RAB6A: variants seen among roughly 807,000 people sequenced by gnomAD.
The protein encoded by RAB6A is RAB6A, member RAS oncogene family.
RAB6A carries 8 observed loss-of-function variants against 32.3 expected under a neutral mutation model. The observed-to-expected ratio is 0.25, with a 90% CI of 0.15 to 0.45. The LOEUF is 0.45. Among genes scored for constraint, RAB6A ranks in the 20% least tolerant of loss-of-function variants. RAB6A has a pLI of 1.00. For missense variants in RAB6A, 104 were observed against 249.4 expected (o/e 0.42, Z 3.93); for synonymous variants, 73 against 82.1 (o/e 0.89, Z 0.60).
chr11:73,687,114 C>T (rs1007526456), intron 6 of RAB6A, among the ~76,000 whole-genome samples: 2 of 152,026 alleles, frequency 1.3e-5, no homozygotes, highest in African/African-American at 4.8e-5. Flanking sequence ...GCAAGTGAAA[C>T]AAGTCACACA....
At chr11:73,737,490 CATCATCATTTGAGCTAAATG>C (rs1356031322) in intron 1 of RAB6A, among the ~76,000 whole-genome samples, 1 of 144,782 alleles carries the variant, frequency 6.9e-6, no homozygotes, top group Non-Finnish European at 1.5e-5. Context: ...TTCTAAAACT[CATCATCATTTGAGCTAAATG>C]ATAATGAAAT....
intron 5 of RAB6A, among the ~76,000 whole-genome samples, chr11:73,715,586 T>A (rs1233784223): frequency 3.3e-5 from 5 of 152,196 alleles, no homozygotes; most frequent in Non-Finnish European, 7.3e-5. Context: ...TAGTAAAAGC[T>A]CTTACTATTA....
At chr11:73,745,179 G>A (rs115323574) in intron 1 of RAB6A, among the ~76,000 whole-genome samples, 3,631 of 152,160 alleles carry the variant, frequency 0.024, 150 homozygotes, top group African/African-American at 0.083. Context: ...TCTTGTTAAT[G>A]CATTTATTTA....
intron 6 of RAB6A, among the ~76,000 whole-genome samples, chr11:73,687,157 A>G (rs1945471739): frequency 6.6e-6 from 1 of 152,194 alleles, no homozygotes; most frequent in Non-Finnish European, 1.5e-5. Context: ...GTTCACTTAT[A>G]TGAGATACCT....
chr11:73,689,968 A>C (rs540368868), intron 6 of RAB6A, among the ~76,000 whole-genome samples: 54 of 152,112 alleles, frequency 3.6e-4, no homozygotes, highest in African/African-American at 1.3e-3. Flanking sequence ...GACCTCTTTA[A>C]ATATTTTACA....
intron 7 of RAB6A, among the ~76,000 whole-genome samples, chr11:73,678,631 G>A (rs1945303625): frequency 6.6e-6 from 1 of 151,876 alleles, no homozygotes; most frequent in Non-Finnish European, 1.5e-5. Flanking sequence ...AAAAACGGCG[G>A]TGGGCGCGGG....
At chr11:73,686,877 A>G (rs917913529) in intron 6 of RAB6A, among the ~76,000 whole-genome samples, 17 of 152,032 alleles carry the variant, frequency 1.1e-4, no homozygotes, top group African/African-American at 3.9e-4. Flanking sequence ...TCTACTTGGG[A>G]GTATATATTC....
intron 1 of RAB6A, 82 bp from the exon 2 acceptor site, chr11:73,730,905 T>C: frequency 1.1e-6 from 1 of 941,040 alleles, no homozygotes. Context: ...AGAACTGCAA[T>C]TAAAGTCAAT....
chr11:73,718,780 C>T, intron 3 of RAB6A, 62 bp from the exon 4 acceptor site: 1 of 1,614,054 alleles, frequency 6.2e-7, no homozygotes, highest in Non-Finnish European at 8.5e-7. Flanking sequence ...TTGCAATATA[C>T]CTACTTGTGA....
intron 1 of RAB6A, among the ~76,000 whole-genome samples, chr11:73,736,824 A>AAAAAAAAAAAAAAAAAAAC (rs1555066487): frequency 6.9e-6 from 1 of 144,598 alleles, no homozygotes. Flanking sequence ...AAAAAAAAAA[A>AAAAAAAAAAAAAAAAAAAC]AACAATTAGC....
chr11:73,722,305 G>GTGTGTATA (rs1238666420), intron 2 of RAB6A: 7 of 42,342 alleles, frequency 1.7e-4, no homozygotes, highest in Non-Finnish European at 2.2e-4. Context: ...ATGTGTGTGT[G>GTGTGTATA]TATATATATA....
Position 73,760,864 on chromosome 11 carries a change from G to C in RAB6A, c.-229C>G. The C allele has an allele frequency of 1.9e-6, 1 of 532,112 alleles. No individual in the cohort carries two copies. Among genetic ancestry groups the C allele is most frequent in the East Asian group, 3.3e-5 (1 of 30,592 alleles). The allele number at this position is 532,112 out of a possible 1,614,324, so 33.0% of individuals were successfully genotyped here. On this transcript the variant is annotated 5_prime_UTR_variant, in exon 1 of 8. Coordinates refer to ENST00000336083, the MANE Select transcript of RAB6A (RefSeq NM_198896.2). Reference sequence around the variant, plus strand: ...AGCACCGAGCGAGGCCCGCGGCTGGGAAGGGAAGGAGGGCGGTGTCGGCAG... The same window carrying C: ...AGCACCGAGCGAGGCCCGCGGCTGGCAAGGGAAGGAGGGCGGTGTCGGCAG...
chr11:73,757,927 T>C (rs1427431428), intron 1 of RAB6A, among the ~76,000 whole-genome samples: 1 of 152,184 alleles, frequency 6.6e-6, no homozygotes, highest in Admixed American at 6.6e-5. Flanking sequence ...AAAAGAATAG[T>C]TTTTATCTTC....
At chr11:73,681,821 A>C (rs1188660325) in intron 6 of RAB6A, among the ~76,000 whole-genome samples, 1 of 151,388 alleles carries the variant, frequency 6.6e-6, no homozygotes, top group African/African-American at 2.5e-5. Flanking sequence ...AAAACAACAC[A>C]AAAAAAATGT....
intron 1 of RAB6A, among the ~76,000 whole-genome samples, chr11:73,737,155 C>T (rs910927760): frequency 2.6e-5 from 4 of 152,076 alleles, no homozygotes; most frequent in Non-Finnish European, 4.4e-5. Flanking sequence ...TTGGAAATAA[C>T]ATAATGTACT....
Position 73,676,782 on chromosome 11 carries a change from A to G in RAB6A, c.*1116T>C, listed in dbSNP as rs1026551758. 5 of 167,224 alleles carry G rather than the reference A, an allele frequency of 3.0e-5. No homozygotes were observed. The East Asian group carries it at 9.6e-4, about 32-fold the overall frequency. The allele number at this position is 167,224 out of a possible 1,614,324, so 10.4% of individuals were successfully genotyped here. A position where few individuals can be genotyped will look rare whatever the true frequency, so the allele number is the denominator to read the frequency against. The stretch of plus-strand genomic sequence containing the variant: ...CAATTTGACCTCAAATGTCCTGAGC[A>G]AAGTTTTTGTTATTCTGCTGAGGGT... On this transcript the variant is annotated 3_prime_UTR_variant, in exon 8 of 8. Transcript: ENST00000336083.
intron 4 of RAB6A, among the ~76,000 whole-genome samples, chr11:73,718,018 A>G (rs1290207498): frequency 6.6e-6 from 1 of 152,216 alleles, no homozygotes; most frequent in Non-Finnish European, 1.5e-5. Context: ...TTCACCTCCT[A>G]TTTAAAATTT....
chr11:73,732,502 C>A (rs60074535), intron 1 of RAB6A, among the ~76,000 whole-genome samples: 15,793 of 152,250 alleles, frequency 0.1, 901 homozygotes, highest in South Asian at 0.27. Context: ...AGGAGAATGG[C>A]GTGAACCCGG....
At chr11:73,692,190 T>C (rs1374429659) in intron 6 of RAB6A, among the ~76,000 whole-genome samples, 1 of 151,868 alleles carries the variant, frequency 6.6e-6, no homozygotes, top group Non-Finnish European at 1.5e-5. Flanking sequence ...TGAATCCTCC[T>C]GACCTCAAAA....
Sources: gnomAD v4.1 joint callset for allele counts (sites outside exome capture counted in the v4.1 genomes callset) on GRCh38, gnomAD v4.1.1 for gene constraint, MANE v1.5 for transcripts, NCBI Gene and HGNC (gene_info 2026-07-23, HGNC 2026-07-21) for gene names.